C2CD5: variants seen among roughly 807,000 people sequenced by gnomAD.
C2CD5 encodes the protein C2 calcium dependent domain containing 5, also known as C2 domain-containing protein 5.
Under a neutral mutation model 130.3 loss-of-function variants are expected in C2CD5, and 109 were observed. That is an observed-to-expected ratio of 0.84 (90% CI 0.72 to 0.98). C2CD5 has a LOEUF of 0.98. Ranked by LOEUF, C2CD5 falls within the 50% of genes least tolerant of loss-of-function variation. The pLI, the probability that C2CD5 is intolerant of heterozygous loss-of-function variation, is 0.00. For synonymous variants in C2CD5, 454 were observed against 429.2 expected (o/e 1.06, Z -0.71); for missense variants, 996 against 1,261.8 (o/e 0.79, Z 3.19).
At chr12:22,481,794 G>A (rs1299032549) in intron 14 of C2CD5, among the ~76,000 whole-genome samples, 1 of 144,638 alleles carries the variant, frequency 6.9e-6, no homozygotes, top group Non-Finnish European at 1.5e-5. Context: ...AGCACACCTG[G>A]TGTATTTTTT....
chr12:22,508,820 G>A (rs913599985), intron 9 of C2CD5, among the ~76,000 whole-genome samples: 31 of 151,492 alleles, frequency 2.0e-4, no homozygotes, highest in African/African-American at 7.3e-4. Flanking sequence ...GAGGCATGTG[G>A]TGGTCTCACA....
chr12:22,457,647 A>G (rs1453276810), intron 24 of C2CD5, among the ~76,000 whole-genome samples: 2 of 152,170 alleles, frequency 1.3e-5, no homozygotes, highest in Non-Finnish European at 2.9e-5. Flanking sequence ...AAACCAACTC[A>G]TAATTTTAAA....
At chr12:22,503,268 A>G (rs1009464120) in intron 10 of C2CD5, among the ~76,000 whole-genome samples, 14 of 152,324 alleles carry the variant, frequency 9.2e-5, no homozygotes, top group African/African-American at 3.1e-4. Context: ...ACATTAGCAC[A>G]TGCATCTCAA....
chr12:22,482,074 G>T (rs929861325), intron 14 of C2CD5, among the ~76,000 whole-genome samples: 2 of 152,066 alleles, frequency 1.3e-5, no homozygotes, highest in African/African-American at 4.8e-5. Context: ...ACATCCTGGG[G>T]TAATTTTGCT....
chr12:22,472,861 C>T (rs1234480505), intron 16 of C2CD5, 54 bp from the exon 17 acceptor site: 22 of 990,216 alleles, frequency 2.2e-5, no homozygotes, highest in Middle Eastern at 2.2e-4. Flanking sequence ...AATTATTTCA[C>T]GTTTTAAAAG....
At chr12:22,501,255 T>C (rs1947747563) in intron 10 of C2CD5, among the ~76,000 whole-genome samples, 2 of 152,192 alleles carry the variant, frequency 1.3e-5, no homozygotes, top group South Asian at 4.1e-4. Flanking sequence ...TTATTTTAAA[T>C]GATGGCAAGA....
intron 2 of C2CD5, among the ~76,000 whole-genome samples, chr12:22,543,722 G>GTGTGTA (rs1952642478): frequency 6.6e-6 from 1 of 152,070 alleles, no homozygotes; most frequent in African/African-American, 2.4e-5. Context: ...GTGTGTGTGT[G>GTGTGTA]TGTATGTGTG....
chr12:22,451,271 T>C lies in C2CD5; in HGVS notation c.3025-1380A>G, dbSNP rs545079949. Reference sequence around the variant, plus strand: ...AACTACAATTAATTTTTTTAAGATATAAAGGCATGCATAGGAATGACAACA... The same window carrying C: ...AACTACAATTAATTTTTTTAAGATACAAAGGCATGCATAGGAATGACAACA... On this transcript the variant is annotated intron_variant, in intron 26 of 26. Coordinates refer to ENST00000446597, the MANE Select transcript of C2CD5 (RefSeq NM_001286176.2). 3.3e-5 allele frequency among the ~76,000 whole-genome samples: 5 copies of C among 152,164 alleles called. No individual in the cohort carries two copies. In the South Asian group the frequency reaches 1.0e-3, roughly 32 times the overall value.
rs12298441 is a variant in C2CD5, at chr12:22,518,992, G to C, written c.801-855C>G. The stretch of plus-strand genomic sequence containing the variant: ...AAGTTCCTCACTGCAGCTGGACTTC[G>C]AGTAAGAAAAGGATGAAGCAAAGAT... On this transcript the variant is annotated intron_variant, in intron 7 of 26. Coordinates refer to ENST00000446597, the MANE Select transcript of C2CD5 (RefSeq NM_001286176.2). 0.011 allele frequency: 8,414 copies of C among 793,598 alleles called. 539 individuals are homozygous for C. The African/African-American group carries it at 0.13, about 13-fold the overall frequency. 49.2% of individuals were successfully genotyped at this position (793,598 alleles called of 1,614,324 possible).
In C2CD5 at chr12:22,478,481, G is replaced by A. The variant is rs1250234646; in HGVS notation, c.1738-4C>T. 4 of 1,609,928 alleles carry A rather than the reference G, an allele frequency of 2.5e-6. No individual in the cohort carries two copies. The South Asian group carries it at 4.4e-5, about 18-fold the overall frequency. On this transcript the variant is annotated splice_region_variant and splice_polypyrimidine_tract_variant and intron_variant, in intron 14 of 26. Coordinates refer to ENST00000446597, the MANE Select transcript of C2CD5 (RefSeq NM_001286176.2). ...CTAAATACACACCTGTGGCAGACTT[G>A]TAAAAAATAATGGGGAAATAATCAG...
At chr12:22,454,640 A>G (rs1406141090) in intron 25 of C2CD5, among the ~76,000 whole-genome samples, 1 of 149,946 alleles carries the variant, frequency 6.7e-6, no homozygotes, top group East Asian at 1.9e-4. Context: ...GTCTTCCGAG[A>G]TACCTTCTCT....
At chr12:22,496,825 A>T (rs1947083413) in intron 10 of C2CD5, among the ~76,000 whole-genome samples, 1 of 151,936 alleles carries the variant, frequency 6.6e-6, no homozygotes, top group Admixed American at 6.6e-5. Context: ...CTGAGCACTA[A>T]ATCAATCCTC....
chr12:22,492,247 G>A (rs749504569), intron 11 of C2CD5, among the ~76,000 whole-genome samples: 5 of 152,132 alleles, frequency 3.3e-5, no homozygotes, highest in Non-Finnish European at 5.9e-5. Context: ...GTTTCTAGAT[G>A]ATATCAACTG....
intron 8 of C2CD5, among the ~76,000 whole-genome samples, chr12:22,517,552 A>G (rs1202826977): frequency 1.3e-5 from 2 of 152,160 alleles, no homozygotes; most frequent in East Asian, 1.9e-4. Flanking sequence ...GTACTCTAAT[A>G]TAACCATTTC....
intron 15 of C2CD5, 36 bp downstream of exon 15, chr12:22,478,277 A>G (rs756341472): frequency 6.5e-7 from 1 of 1,531,010 alleles, no homozygotes; most frequent in South Asian, 1.1e-5. Context: ...ATAAACAATA[A>G]CTGATACATT....
At chr12:22,540,614 T>G (rs1198700588) in intron 2 of C2CD5, among the ~76,000 whole-genome samples, 2 of 152,182 alleles carry the variant, frequency 1.3e-5, no homozygotes, top group Admixed American at 1.3e-4. Flanking sequence ...ATCCCAGCAC[T>G]TTGGGAGACC....
At chr12:22,543,989 G>A (rs1952682343) in intron 2 of C2CD5, 72 bp downstream of exon 2, 3 of 1,163,612 alleles carry the variant, frequency 2.6e-6, no homozygotes, top group African/African-American at 1.5e-5. Flanking sequence ...TGAGGGGCTG[G>A]GGGCGAGGTG....
chr12:22,520,767 T>C (rs1418208077), intron 7 of C2CD5, among the ~76,000 whole-genome samples: 8 of 152,094 alleles, frequency 5.3e-5, no homozygotes, highest in Non-Finnish European at 1.2e-4. Context: ...AAAAGCACTT[T>C]CTATTGTCAA....
At chr12:22,499,738 T>G (rs1359706919) in intron 10 of C2CD5, among the ~76,000 whole-genome samples, 3 of 152,198 alleles carry the variant, frequency 2.0e-5, no homozygotes, top group Admixed American at 2.0e-4. Context: ...CACATAAGAT[T>G]TGTAAATGCT....
Sources: gnomAD v4.1 joint callset for allele counts (sites outside exome capture counted in the v4.1 genomes callset) on GRCh38, gnomAD v4.1.1 for gene constraint, MANE v1.5 for transcripts, NCBI Gene and HGNC (gene_info 2026-07-23, HGNC 2026-07-21) for gene names.